UPRT: variants seen among roughly 807,000 people sequenced by gnomAD.
UPRT encodes uracil phosphoribosyltransferase homolog.
Under a neutral mutation model 22.6 loss-of-function variants are expected in UPRT, and 5 were observed. That is an observed-to-expected ratio of 0.22 (90% CI 0.12 to 0.47). The LOEUF (loss-of-function observed/expected upper bound fraction) is 0.47, where lower values mean the gene tolerates loss of function less well. Among genes scored for constraint, UPRT ranks in the 20% least tolerant of loss-of-function variants. UPRT has a pLI of 0.99. For missense variants in UPRT, 181 were observed against 239.9 expected (o/e 0.75, Z 1.62); for synonymous variants, 77 against 87.7 (o/e 0.88, Z 0.68).
intron 4 of UPRT, among the ~76,000 whole-genome samples, chrX:75,203,376 TAGAC>T (rs1331668907): frequency 9.1e-6 from 1 of 110,385 alleles, no homozygotes; most frequent in Non-Finnish European, 1.9e-5. Context: ...TTGTCAATAT[TAGAC>T]AGATCAATGA....
chrX:75,192,323 G>A (rs1437916921), intron 4 of UPRT, among the ~76,000 whole-genome samples: 2 of 95,876 alleles, frequency 2.1e-5, no homozygotes, highest in African/African-American at 6.8e-5. Context: ...GTCCAAGAGT[G>A]TGATTGACAT....
intron 4 of UPRT, among the ~76,000 whole-genome samples, chrX:75,194,382 T>G (rs2082326279): frequency 9.0e-6 from 1 of 110,803 alleles, no homozygotes; most frequent in Non-Finnish European, 1.9e-5. Context: ...CTCTGATGGG[T>G]GATGTCAGCC....
intron 6 of UPRT, among the ~76,000 whole-genome samples, chrX:75,303,041 T>C (rs989759102): frequency 1.8e-5 from 2 of 111,459 alleles, no homozygotes; most frequent in Admixed American, 1.9e-4. Context: ...GTGCTTGGCC[T>C]GTGATCCTCA....
intron 4 of UPRT, among the ~76,000 whole-genome samples, chrX:75,252,455 T>A (rs1468966505): frequency 8.9e-6 from 1 of 112,684 alleles, no homozygotes; most frequent in Non-Finnish European, 1.9e-5. Context: ...TCATCAACAC[T>A]GGCCATTGGA....
rs2082470414 is a variant in UPRT at position 75,237,354 on chromosome X, C to A, written c.-446-53670C>A. Among the ~76,000 whole-genome samples the A allele has an allele frequency of 4.5e-5, 5 of 111,869 alleles. No individual in the cohort carries two copies. The South Asian group carries it at 1.9e-3, about 42-fold the overall frequency. On this transcript the variant is annotated intron_variant, in intron 4 of 13. Coordinates refer to the UPRT transcript ENST00000652605. ...GAACACTTTTACACTGTTGGTGGGA[C>A]TGTAAACTAGTTCAACCATTGTGGA...
upstream of UPRT, among the ~76,000 whole-genome samples, chrX:75,270,435 A>G (rs907687637): frequency 1.8e-5 from 2 of 111,772 alleles, no homozygotes; most frequent in Non-Finnish European, 3.8e-5. Flanking sequence ...AAATCATTCT[A>G]CTATAAAGAC....
At chrX:75,236,021 G>A (rs919285291) in intron 4 of UPRT, among the ~76,000 whole-genome samples, 1 of 111,204 alleles carries the variant, frequency 9.0e-6, no homozygotes, top group Non-Finnish European at 1.9e-5. Flanking sequence ...CCTGTTTGCA[G>A]AAGACATGAT....
intron 4 of UPRT, among the ~76,000 whole-genome samples, chrX:75,250,760 A>C (rs2082526418): frequency 9.0e-6 from 1 of 111,683 alleles, no homozygotes; most frequent in African/African-American, 3.3e-5. Flanking sequence ...CACAACAAAA[A>C]AAGAGAATTT....
chrX:75,188,731 C>A (rs977599247), intron 4 of UPRT, among the ~76,000 whole-genome samples: 1 of 112,541 alleles, frequency 8.9e-6, no homozygotes, highest in Non-Finnish European at 1.9e-5. Context: ...CCTGGTGCCC[C>A]GTTTTTTAAG....
intron 4 of UPRT, among the ~76,000 whole-genome samples, chrX:75,261,739 C>A (rs1382012799): frequency 1.8e-5 from 2 of 111,398 alleles, no homozygotes; most frequent in Non-Finnish European, 3.8e-5. Flanking sequence ...ATTTTAGCAA[C>A]ATCCCTGATG....
intron 4 of UPRT, among the ~76,000 whole-genome samples, chrX:75,195,663 C>T (rs192416313): frequency 1.2e-4 from 13 of 112,059 alleles, no homozygotes; most frequent in Middle Eastern, 4.6e-3. Context: ...CAATTCACCC[C>T]TTCCCCAGGA....
At chrX:75,278,955 C>T in intron 1 of UPRT, among the ~76,000 whole-genome samples, 1 of 111,543 alleles carries the variant, frequency 9.0e-6, no homozygotes, top group Non-Finnish European at 1.9e-5. Context: ...ATGTATTGTC[C>T]TTAACCAAAG....
chrX:75,280,051 G>C (rs1040376906), intron 1 of UPRT, among the ~76,000 whole-genome samples: 1 of 108,011 alleles, frequency 9.3e-6, no homozygotes, highest in Non-Finnish European at 1.9e-5. Context: ...ATATATATTT[G>C]TTGGCCATTT....
intron 4 of UPRT, among the ~76,000 whole-genome samples, chrX:75,235,180 A>G (rs1395842207): frequency 8.9e-6 from 1 of 112,002 alleles, no homozygotes; most frequent in South Asian, 3.7e-4. Context: ...AAACTAGAAA[A>G]ATCTAGAAGA....
chrX:75,167,266 T>C (rs1474110552), intron 3 of UPRT, among the ~76,000 whole-genome samples: 6 of 112,223 alleles, frequency 5.3e-5, no homozygotes, highest in Non-Finnish European at 1.1e-4. Context: ...AAATGCTTGA[T>C]CAAGCCTCCT....
chrX:75,254,635 C>A (rs1020191440), intron 4 of UPRT, among the ~76,000 whole-genome samples: 7 of 111,885 alleles, frequency 6.3e-5, no homozygotes, highest in Non-Finnish European at 1.3e-4. Context: ...ACTTCCCCAG[C>A]CTTGCTAGAG....
chrX:75,249,060 T>C (rs766047747), intron 4 of UPRT, among the ~76,000 whole-genome samples: 1 of 111,307 alleles, frequency 9.0e-6, no homozygotes, highest in East Asian at 2.8e-4. Flanking sequence ...CTAAAGGAAG[T>C]GTTAAACACG....
At chrX:75,267,496 A>T (rs1275997489) in intron 4 of UPRT, among the ~76,000 whole-genome samples, 1 of 111,962 alleles carries the variant, frequency 8.9e-6, no homozygotes, top group Admixed American at 9.5e-5. Flanking sequence ...TAATGGGTGC[A>T]GCACACCAAT....
intron 4 of UPRT, among the ~76,000 whole-genome samples, chrX:75,208,415 T>G (rs1165571881): frequency 9.0e-6 from 1 of 111,683 alleles, no homozygotes; most frequent in Non-Finnish European, 1.9e-5. Context: ...GGAAGTACAG[T>G]CCATATTAGT....
Sources: gnomAD v4.1 joint callset for allele counts (sites outside exome capture counted in the v4.1 genomes callset) on GRCh38, gnomAD v4.1.1 for gene constraint, MANE v1.5 for transcripts, NCBI Gene and HGNC (gene_info 2026-07-23, HGNC 2026-07-21) for gene names.